The following VPS13D variants were observed in gnomAD, a reference collection of about 807,000 sequenced individuals.
The protein encoded by VPS13D is vacuolar protein sorting 13 homolog D.
A neutral mutation model predicts 461.9 loss-of-function variants in VPS13D; 187 were observed. The observed-to-expected ratio is 0.40, with a 90% confidence interval of 0.36 to 0.46. VPS13D has a LOEUF of 0.46. VPS13D is among the 20% of genes least tolerant of loss of function. VPS13D has a pLI of 0.60. For missense variants in VPS13D, 4,711 were observed against 5,364.9 expected (o/e 0.88, Z 3.81); for synonymous variants, 1,951 against 1,986.3 (o/e 0.98, Z 0.47).
chr1:12,473,412 A>T lies in VPS13D; in HGVS notation c.12662+13016A>T, dbSNP rs1474938092. Among the ~76,000 whole-genome samples the T allele has an allele frequency of 6.6e-6, 1 of 152,202 alleles. No individual in the cohort carries two copies. The highest frequency in any genetic ancestry group is 1.5e-5 in the Non-Finnish European group (1 of 68,038). On this transcript the variant is annotated intron_variant, in intron 67 of 69. Transcript: ENST00000620676. The surrounding 1 kb of genome is among the most constrained non-coding windows in gnomAD (Gnocchi z 4.2). ...TTCCGCAGCACTGGCTGCTTCCGGC[A>T]TCTGCAGTGCGAGGGTAAACAGGCC...
chr1:12,322,410 A>C, intron 33 of VPS13D, 126 bp from the exon 34 acceptor site: 1 of 916,848 alleles, frequency 1.1e-6, no homozygotes, highest in Admixed American at 2.6e-5. Context: ...CAATCTTTTA[A>C]ATGAGAAATT....
chr1:12,452,329 G>T (rs1425212199), intron 65 of VPS13D, among the ~76,000 whole-genome samples: 2 of 152,134 alleles, frequency 1.3e-5, no homozygotes, highest in African/African-American at 2.4e-5. Context: ...GGATGGCCTG[G>T]GCCAGTCACT....
chr1:12,481,776 A>T (rs1459162162), intron 67 of VPS13D, among the ~76,000 whole-genome samples: 1 of 151,904 alleles, frequency 6.6e-6, no homozygotes, highest in Non-Finnish European at 1.5e-5. Context: ...AAACCCCTTC[A>T]CTCTAGTGAC....
intron 38 of VPS13D, among the ~76,000 whole-genome samples, chr1:12,333,739 A>G (rs1643385812): frequency 6.6e-6 from 1 of 152,212 alleles, no homozygotes; most frequent in African/African-American, 2.4e-5. Context: ...TTTTGACCAT[A>G]TCTTTATAGT....
chr1:12,451,063 C>G (rs1645256676), intron 65 of VPS13D, among the ~76,000 whole-genome samples: 1 of 152,204 alleles, frequency 6.6e-6, no homozygotes, highest in African/African-American at 2.4e-5. Flanking sequence ...CTTTGGCACC[C>G]CATGCTTGCT....
At chr1:12,460,446 T>C in intron 67 of VPS13D, 50 bp downstream of exon 67, 3 of 1,486,578 alleles carry the variant, frequency 2.0e-6, no homozygotes, top group Non-Finnish European at 1.8e-6. Context: ...CTAGGTCTGC[T>C]GCTTCTCCTA....
At chr1:12,475,634 G>C (rs1645621046) in intron 67 of VPS13D, among the ~76,000 whole-genome samples, 1 of 152,180 alleles carries the variant, frequency 6.6e-6, no homozygotes, top group African/African-American at 2.4e-5. Context: ...TCCCCGCAAG[G>C]GATTGAGTCT....
chr1:12,362,998 A>C, intron 51 of VPS13D, 74 bp from the exon 52 acceptor site: 1 of 1,588,434 alleles, frequency 6.3e-7, no homozygotes, highest in Non-Finnish European at 8.6e-7. Flanking sequence ...GGTAAGGCTC[A>C]GAGTAGGTAC....
At chr1:12,339,329 C>T (rs1472350650) in intron 40 of VPS13D, among the ~76,000 whole-genome samples, 4 of 152,176 alleles carry the variant, frequency 2.6e-5, no homozygotes, top group East Asian at 3.8e-4. Flanking sequence ...TAGTAGCAAA[C>T]CTAGTATTTT....
At chr1:12,294,137 C>T (rs1398583060) in intron 24 of VPS13D, among the ~76,000 whole-genome samples, 1 of 152,176 alleles carries the variant, frequency 6.6e-6, no homozygotes, top group African/African-American at 2.4e-5. Flanking sequence ...TTTCCGTTTA[C>T]AAAGTAAGTC....
In VPS13D at chr1:12,343,060, T is replaced by C. The variant is rs559111686; in HGVS notation, c.8885+9T>C. 6 of 1,590,998 alleles carry C rather than the reference T, an allele frequency of 3.8e-6. No homozygotes were observed. In the South Asian group the frequency reaches 5.7e-5, roughly 15 times the overall value. On this transcript the variant is annotated intron_variant, in intron 42 of 69. Coordinates refer to ENST00000620676, the MANE Select transcript of VPS13D (RefSeq NM_015378.4). ...GGAAAGTTAAGACACAGGTAAAGTATGGTTTATTCTTTTCTTTAAAAAAAA... is the reference window on the plus strand; with the variant it reads ...GGAAAGTTAAGACACAGGTAAAGTACGGTTTATTCTTTTCTTTAAAAAAAA...
intron 40 of VPS13D, among the ~76,000 whole-genome samples, chr1:12,340,401 C>T (rs1643543127): frequency 6.6e-6 from 1 of 152,142 alleles, no homozygotes; most frequent in Admixed American, 6.5e-5. Context: ...TAGAACTTGC[C>T]TTGACCCAAA....
At chr1:12,315,777 T>G (rs892039974) in intron 30 of VPS13D, among the ~76,000 whole-genome samples, 4 of 152,202 alleles carry the variant, frequency 2.6e-5, no homozygotes, top group Non-Finnish European at 5.9e-5. Context: ...ATGTTTCCTT[T>G]GAACAAGAGG....
chr1:12,261,296 G>C (rs968134384), intron 12 of VPS13D, 147 bp downstream of exon 12: 6 of 944,778 alleles, frequency 6.4e-6, no homozygotes, highest in African/African-American at 3.3e-5. Context: ...TATTTTGGGA[G>C]ATACTCCATT....
Position 12,275,842 on chromosome 1 carries a change from A to G in VPS13D, c.2254A>G (p.Ser752Gly), listed in dbSNP as rs1557679535. 6.3e-7 allele frequency: 1 copy of G among 1,584,268 alleles called. No individual in the cohort carries two copies. The highest frequency in any genetic ancestry group is 1.4e-5 in the African/African-American group (1 of 73,188). The change falls in exon 19 of 70, where the codon AGT (serine) becomes GGT (glycine). Residue 752 changes from serine to glycine, a missense_variant. By Grantham distance (56) the Ser-to-Gly change is moderately conservative. Transcript: ENST00000620676. ...TNTQDNSRRK[S>G]RDGSASEETQ... ...ATCTTCAGATAACTCCAGGAGGAAA[A>G]GTAGGGATGGGTCAGCATCTGAAGA...
intron 10 of VPS13D, 77 bp downstream of exon 10, chr1:12,258,180 G>A: frequency 6.5e-7 from 1 of 1,546,996 alleles, no homozygotes; most frequent in South Asian, 1.2e-5. Context: ...AAGAAAATGG[G>A]ATCTGTGAAG....
At chr1:12,441,384 C>T (rs1193504044) in intron 65 of VPS13D, among the ~76,000 whole-genome samples, 1 of 152,116 alleles carries the variant, frequency 6.6e-6, no homozygotes, top group Non-Finnish European at 1.5e-5. Flanking sequence ...CCAGGGTGGC[C>T]TCCTGTCATT....
chr1:12,438,070 A>T (rs1385614468), intron 65 of VPS13D, among the ~76,000 whole-genome samples: 1 of 152,068 alleles, frequency 6.6e-6, no homozygotes, highest in Non-Finnish European at 1.5e-5. Context: ...TCCCACCCCC[A>T]TCCCCTAAAA....
Position 12,345,472 on chromosome 1 carries a change from G to A in VPS13D, c.8984G>A (p.Arg2995Gln). 3 of 1,613,626 alleles carry A rather than the reference G, an allele frequency of 1.9e-6. No homozygotes were observed. The highest frequency in any genetic ancestry group is 1.7e-6 in the Non-Finnish European group (2 of 1,179,650). ...VSVDKVGTFF[R>Q]YAAPDKNSSS... ...GTGGACAAAGTCGGGACCTTTTTTC[G>A]ATATGCAGCACCAGATAAAAATTCA... is the stretch of plus-strand genomic sequence containing the variant. The change falls in exon 43 of 70, where the codon CGA (arginine) becomes CAA (glutamine). Residue 2995 changes from arginine to glutamine, a missense_variant. Physicochemically the swap from Arg to Gln is conservative, Grantham distance 43. Around this residue, in one of 3 missense-constraint regions of VPS13D, gnomAD observed 4,411 missense variants for 4,937.8 expected, o/e 0.89. Coordinates refer to ENST00000620676, the MANE Select transcript of VPS13D (RefSeq NM_015378.4).
Sources: allele counts gnomAD v4.1 joint callset (sites outside exome capture counted in the v4.1 genomes callset), GRCh38; gene constraint gnomAD v4.1.1; regional missense constraint gnomAD v4.1.1; non-coding constraint Gnocchi (gnomAD v3.1); transcripts MANE v1.5; gene names NCBI Gene and HGNC (gene_info 2026-07-23, HGNC 2026-07-21).